SSU72: variants seen among roughly 807,000 people sequenced by gnomAD.
SSU72 encodes the protein SSU72 homolog, RNA polymerase II CTD phosphatase.
A neutral mutation model predicts 22.7 loss-of-function variants in SSU72; 12 were observed. The ratio of observed to expected loss-of-function variants is 0.53; its 90% CI spans 0.34 to 0.86. The LOEUF (loss-of-function observed/expected upper bound fraction) is 0.86. Ranked by LOEUF, SSU72 falls within the 40% of genes least tolerant of loss-of-function variation. The pLI is 0.02. For synonymous variants in SSU72, 116 were observed against 98.3 expected (o/e 1.18, Z -1.06); for missense variants, 151 against 249.8 (o/e 0.60, Z 2.67).
chr1:1,548,567 A>C (rs551054962), intron 2 of SSU72, among the ~76,000 whole-genome samples: 17 of 151,452 alleles, frequency 1.1e-4, no homozygotes, highest in Admixed American at 4.6e-4. Context: ...AAAAAAAAAA[A>C]AAAAAAAAAC....
rs1283013624 is a variant in SSU72 at position 1,542,351 on chromosome 1, C to A, written c.484-184G>T. Among the ~76,000 whole-genome samples, 4 of 152,150 alleles carry A rather than the reference C, an allele frequency of 2.6e-5. No individual in the cohort carries two copies. The highest frequency in any genetic ancestry group is 5.9e-5 in the Non-Finnish European group (4 of 68,026). ...GGCTGCAGGGGGAGAGCGTCCCGGG[C>A]AGCCCCCACCTCCCCACCGACCCTC... On this transcript the variant is annotated intron_variant, in intron 4 of 4. Transcript: ENST00000291386. The surrounding 1 kb of genome is among the most constrained non-coding windows in gnomAD (Gnocchi z 4.4).
intron 1 of SSU72, among the ~76,000 whole-genome samples, chr1:1,567,194 A>G (rs1642672373): frequency 6.6e-6 from 1 of 152,244 alleles, no homozygotes; most frequent in African/African-American, 2.4e-5. Context: ...GAAGCAAAAG[A>G]GCCCAAGGGC....
At position 1,574,698 on chromosome 1, in the gene SSU72, T is replaced by A. The variant is rs1206409028; in HGVS notation, c.-141A>T. 5 of 774,684 alleles carry A rather than the reference T, an allele frequency of 6.5e-6. No homozygotes were observed. The highest frequency in any genetic ancestry group is 9.2e-6 in the Non-Finnish European group (5 of 544,746). 48.0% of individuals were successfully genotyped at this position (774,684 alleles called of 1,614,324 possible). ...CGCCGGCGGTGTAGCGTGCGGCGAC[T>A]GCGCGGCGGCCTCCCCGCCCACCCT... is the stretch of plus-strand genomic sequence containing the variant. On this transcript the variant is annotated 5_prime_UTR_variant, in exon 1 of 5. Transcript: ENST00000291386.
At chr1:1,544,091 C>T in intron 3 of SSU72, 104 bp from the exon 4 acceptor site, 1 of 846,070 alleles carries the variant, frequency 1.2e-6, no homozygotes, top group Non-Finnish European at 1.9e-6. Context: ...CCCAGCCCAG[C>T]CCCAGTGGTT....
intron 2 of SSU72, among the ~76,000 whole-genome samples, chr1:1,558,733 A>G (rs1411549657): frequency 6.6e-6 from 1 of 152,174 alleles, no homozygotes; most frequent in Non-Finnish European, 1.5e-5. Context: ...GAGCGGGGGA[A>G]CTGTCCAGGC....
chr1:1,566,264 C>A (rs1027083178), intron 1 of SSU72, among the ~76,000 whole-genome samples: 1 of 151,660 alleles, frequency 6.6e-6, no homozygotes, highest in Non-Finnish European at 1.5e-5. Flanking sequence ...GACTCTGTCC[C>A]AAAAAAACAA....
Position 1,541,976 on chromosome 1 carries a change from G to T in SSU72, c.*90C>A. ...TATTTGGGTAATGCTACCGTCACCA[G>T]CAGAACACCTGTAAGTAAAAACAAA... is the stretch of plus-strand genomic sequence containing the variant. On this transcript the variant is annotated 3_prime_UTR_variant, in exon 5 of 5. Transcript: ENST00000291386. The T allele has an allele frequency of 1.6e-6, 2 of 1,259,640 alleles. No individual in the cohort carries two copies. Among genetic ancestry groups the T allele is most frequent in the Non-Finnish European group, 1.1e-6 (1 of 887,380 alleles). 78.0% of individuals were successfully genotyped at this position (1,259,640 alleles called of 1,614,324 possible).
intron 1 of SSU72, among the ~76,000 whole-genome samples, chr1:1,568,633 G>C (rs1642690988): frequency 6.6e-6 from 1 of 151,914 alleles, no homozygotes; most frequent in Non-Finnish European, 1.5e-5. Context: ...CTATCATAAA[G>C]AAGCCATCAG....
At chr1:1,569,551 C>G (rs139947588) in intron 1 of SSU72, among the ~76,000 whole-genome samples, 1 of 152,166 alleles carries the variant, frequency 6.6e-6, no homozygotes, top group Admixed American at 6.6e-5. Flanking sequence ...AGTTCAGTGG[C>G]GCAGTCACAG....
rs1642657904 is a variant in SSU72 at position 1,566,113 on chromosome 1, A to AT, written c.81-1198_81-1197insA. Among the ~76,000 whole-genome samples the AT allele has an allele frequency of 3.3e-5, 5 of 150,866 alleles. No individual in the cohort carries two copies. The South Asian group carries it at 1.1e-3, about 32-fold the overall frequency. On this transcript the variant is annotated intron_variant, in intron 1 of 4. Transcript: ENST00000291386. ...TCCGTTTCTACTAAAAAAAAAAAAA[A>AT]AATTAGCTGGGCATGGTGGTGCGTG...
At chr1:1,545,044 T>C (rs376087616) in intron 2 of SSU72, 42 bp from the exon 3 acceptor site, 36 of 1,597,742 alleles carry the variant, frequency 2.3e-5, no homozygotes, top group Non-Finnish European at 2.9e-5. Flanking sequence ...AAGGCATCTG[T>C]GTATGAAGCC....
intron 2 of SSU72, chr1:1,564,170 G>C (rs1203038232): frequency 5.3e-6 from 1 of 188,278 alleles, no homozygotes; most frequent in African/African-American, 2.3e-5. Context: ...TTATGCAACT[G>C]GTGTTGCGTC....
At chr1:1,573,666 A>G (rs1226383285) in intron 1 of SSU72, among the ~76,000 whole-genome samples, 1 of 152,162 alleles carries the variant, frequency 6.6e-6, no homozygotes, top group African/African-American at 2.4e-5. Flanking sequence ...AATTTTCCCA[A>G]GTTGCTCAGG....
At chr1:1,544,227 C>T (rs1233457986) in intron 3 of SSU72, among the ~76,000 whole-genome samples, 1 of 152,216 alleles carries the variant, frequency 6.6e-6, no homozygotes, top group African/African-American at 2.4e-5. Flanking sequence ...ACCCACCAGC[C>T]AGTCCTGGGG....
chr1:1,562,388 C>A (rs981801546), intron 2 of SSU72: 2 of 152,284 alleles, frequency 1.3e-5, no homozygotes, highest in African/African-American at 4.8e-5. Flanking sequence ...TGAGATGAGA[C>A]AAAAGCCTCC....
chr1:1,548,822 G>GC (rs1293817549), intron 2 of SSU72, among the ~76,000 whole-genome samples: 4 of 152,218 alleles, frequency 2.6e-5, no homozygotes, highest in Non-Finnish European at 5.9e-5. Flanking sequence ...CATGGGTTGA[G>GC]CACGTGTGGC....
chr1:1,541,958 G>A lies in SSU72; in HGVS notation c.*108C>T. ...CATTTCATATGCACAGTTTATTTGG[G>A]TAATGCTACCGTCACCAGCAGAACA... On this transcript the variant is annotated 3_prime_UTR_variant, in exon 5 of 5. Coordinates refer to ENST00000291386, the MANE Select transcript of SSU72 (RefSeq NM_014188.3). 9.8e-7 allele frequency: 1 copy of A among 1,024,406 alleles called. No individual in the cohort carries two copies. Among genetic ancestry groups the A allele is most frequent in the Admixed American group, 2.2e-5 (1 of 45,572 alleles). The allele number at this position is 1,024,406 out of a possible 1,614,324, so 63.5% of individuals were successfully genotyped here.
chr1:1,555,818 C>T (rs745990376), intron 2 of SSU72, among the ~76,000 whole-genome samples: 10 of 151,928 alleles, frequency 6.6e-5, no homozygotes, highest in African/African-American at 1.4e-4. Flanking sequence ...GGCAACAGGG[C>T]GAAACCTCAT....
intron 2 of SSU72, chr1:1,564,123 G>A (rs1403249632): frequency 6.0e-6 from 1 of 166,006 alleles, no homozygotes; most frequent in African/African-American, 2.4e-5. Flanking sequence ...ACCATGAAAT[G>A]CCTGGTCAAA....
Sources: allele counts gnomAD v4.1 joint callset (sites outside exome capture counted in the v4.1 genomes callset), GRCh38; gene constraint gnomAD v4.1.1; non-coding constraint Gnocchi (gnomAD v3.1); transcripts MANE v1.5; gene names NCBI Gene and HGNC (gene_info 2026-07-23, HGNC 2026-07-21).